Variants in TRPM7 observed in about 807,000 individuals in gnomAD.
TRPM7 encodes the protein LTRPC ion channel family member 7.
A neutral mutation model predicts 229.7 loss-of-function variants in TRPM7; 134 were observed. The ratio of observed to expected loss-of-function variants is 0.58; its 90% CI spans 0.51 to 0.67. The LOEUF is 0.67. Ranked by LOEUF, TRPM7 falls within the 30% of genes least tolerant of loss-of-function variation. TRPM7 has a pLI of 0.00. For synonymous variants in TRPM7, 699 were observed against 715.2 expected (o/e 0.98, Z 0.36); for missense variants, 1,901 against 2,210.0 (o/e 0.86, Z 2.80).
At chr15:50,652,708 T>A (rs1274465734) in intron 3 of TRPM7, among the ~76,000 whole-genome samples, 1 of 151,970 alleles carries the variant, frequency 6.6e-6, no homozygotes, top group Non-Finnish European at 1.5e-5. Flanking sequence ...CTCATTCTGC[T>A]TTGGAAAAAA....
intron 5 of TRPM7, among the ~76,000 whole-genome samples, chr15:50,641,931 T>C (rs949723621): frequency 1.4e-5 from 2 of 145,254 alleles, no homozygotes; most frequent in African/African-American, 5.2e-5. Flanking sequence ...ACCCGGGAGG[T>C]GGAGGTTGCA....
At chr15:50,618,750 T>C (rs2060304817) in intron 13 of TRPM7, among the ~76,000 whole-genome samples, 1 of 152,070 alleles carries the variant, frequency 6.6e-6, no homozygotes, top group African/African-American at 2.4e-5. Flanking sequence ...CCACAGGTAG[T>C]TGTTCAACCC....
At chr15:50,601,627 G>A (rs2059782982) in intron 21 of TRPM7, among the ~76,000 whole-genome samples, 1 of 152,064 alleles carries the variant, frequency 6.6e-6, no homozygotes. Context: ...GGGTGACACA[G>A]CGAGACTCCA....
intron 11 of TRPM7, among the ~76,000 whole-genome samples, chr15:50,627,330 G>C (rs1194732022): frequency 6.6e-6 from 1 of 152,058 alleles, no homozygotes; most frequent in Non-Finnish European, 1.5e-5. Flanking sequence ...ATTAAAATAG[G>C]GTAGACAGAG....
chr15:50,599,021 A>T, intron 22 of TRPM7, 101 bp downstream of exon 22: 1 of 871,952 alleles, frequency 1.1e-6, no homozygotes, highest in Non-Finnish European at 1.8e-6. Context: ...TTAGGTTGGT[A>T]ATAGTTTGAC....
chr15:50,651,635 G>GA (rs138610872), intron 3 of TRPM7, among the ~76,000 whole-genome samples: 2,346 of 151,868 alleles, frequency 0.015, 65 homozygotes, highest in African/African-American at 0.054. Context: ...GTCTCTAAAC[G>GA]AAAAAATTAA....
chr15:50,634,868 ATT>A (rs1183514392), intron 7 of TRPM7, among the ~76,000 whole-genome samples: 2 of 152,154 alleles, frequency 1.3e-5, no homozygotes, highest in South Asian at 2.1e-4. Flanking sequence ...AAAAGTAAAA[ATT>A]TGTTTTCCAT....
At chr15:50,623,156 G>A (rs939480596) in intron 12 of TRPM7, among the ~76,000 whole-genome samples, 2 of 152,132 alleles carry the variant, frequency 1.3e-5, no homozygotes, top group African/African-American at 4.8e-5. Flanking sequence ...GCTCACGCCT[G>A]TAATCCCAGT....
At position 50,604,969 on chromosome 15, in the gene TRPM7, C is replaced by T; in HGVS notation, c.2885G>A (p.Arg962Lys). The T allele has an allele frequency of 6.2e-7, 1 of 1,613,914 alleles. No homozygotes were observed. The highest frequency in any genetic ancestry group is 8.5e-7 in the Non-Finnish European group (1 of 1,179,930). Residue 962 changes from arginine to lysine, a missense_variant, in exon 21 of 39, where the codon AGA becomes AAA. Coordinates refer to ENST00000646667, the MANE Select transcript of TRPM7 (RefSeq NM_017672.6). ...TATTATGTTAAGACAGTAAATTAAT[C>T]TTCCAGCCACAAAAACATGATTATC... ...AYDNHVFVAG[R>K]LIYCLNIIFW...
chr15:50,618,773 CCCAACCT>C (rs2060305473), intron 13 of TRPM7, among the ~76,000 whole-genome samples: 1 of 152,010 alleles, frequency 6.6e-6, no homozygotes, highest in African/African-American at 2.4e-5. Flanking sequence ...ACCACCCCCA[CCCAACCT>C]CCCACCTTTT....
chr15:50,627,224 A>G (rs2060588272), intron 11 of TRPM7, among the ~76,000 whole-genome samples: 1 of 152,218 alleles, frequency 6.6e-6, no homozygotes, highest in Non-Finnish European at 1.5e-5. Context: ...TAGGAGAAAG[A>G]CAAACAATAA....
intron 11 of TRPM7, among the ~76,000 whole-genome samples, chr15:50,625,444 G>A (rs2060528891): frequency 6.6e-6 from 1 of 151,628 alleles, no homozygotes; most frequent in South Asian, 2.1e-4. Flanking sequence ...TTTTTGAGAC[G>A]GGGTCTCATT....
intron 4 of TRPM7, among the ~76,000 whole-genome samples, chr15:50,647,532 T>C (rs1256497612): frequency 6.6e-6 from 1 of 152,048 alleles, no homozygotes; most frequent in Admixed American, 6.5e-5. Flanking sequence ...GATCATGAGG[T>C]CAGGAGATGG....
At position 50,607,199 on chromosome 15, in the gene TRPM7, C is replaced by T; in HGVS notation, c.2709+1G>A. ...TTGGTAGAAAAAAACTAAAGACATA[C>T]CTCACGGACTTTCTCAATGGCATAA... On this transcript the variant is annotated splice_donor_variant, in intron 20 of 38. Transcript: ENST00000646667. LOFTEE classifies it high-confidence loss of function. The T allele has an allele frequency of 6.2e-7, 1 of 1,604,072 alleles. No homozygotes were observed. Among genetic ancestry groups the T allele is most frequent in the Non-Finnish European group, 8.5e-7 (1 of 1,176,790 alleles).
intron 11 of TRPM7, among the ~76,000 whole-genome samples, chr15:50,626,328 A>C (rs1423964075): frequency 6.6e-6 from 1 of 152,160 alleles, no homozygotes; most frequent in Non-Finnish European, 1.5e-5. Context: ...ATATAACAAA[A>C]TATTGTTTTT....
Position 50,592,028 on chromosome 15 carries a change from C to CA in TRPM7, c.4206dup (p.Val1403CysfsTer2). The CA allele has an allele frequency of 6.2e-7, 1 of 1,613,266 alleles. No individual in the cohort carries two copies. Among genetic ancestry groups the CA allele is most frequent in the Non-Finnish European group, 8.5e-7 (1 of 1,179,712 alleles). ...CAACTTGGCTGAGATGGTGTACTAACAAAAAATTTGGTTGGTGGGGATGAC... is the reference window on the plus strand; with the variant it reads ...CAACTTGGCTGAGATGGTGTACTAACAAAAAAATTTGGTTGGTGGGGATGAC... On this transcript the variant is annotated frameshift_variant, in exon 26 of 39. Coordinates refer to ENST00000646667, the MANE Select transcript of TRPM7 (RefSeq NM_017672.6). LOFTEE classifies it high-confidence loss of function.
chr15:50,567,965 G>T (rs2053682062), intron 38 of TRPM7, among the ~76,000 whole-genome samples: 1 of 151,724 alleles, frequency 6.6e-6, no homozygotes, highest in African/African-American at 2.4e-5. Flanking sequence ...TGTAGTCCCA[G>T]CTACTCGGGA....
intron 5 of TRPM7, among the ~76,000 whole-genome samples, chr15:50,642,900 T>C (rs1161060749): frequency 6.6e-6 from 1 of 152,104 alleles, no homozygotes; most frequent in African/African-American, 2.4e-5. Flanking sequence ...ACAGGTTCGA[T>C]TATCATTTTT....
At position 50,619,762 on chromosome 15, in the gene TRPM7, C is replaced by G. The variant is rs2060336183; in HGVS notation, c.1477G>C (p.Val493Leu). 1 of 1,596,348 alleles carries G rather than the reference C, an allele frequency of 6.3e-7. No homozygotes were observed. The highest frequency in any genetic ancestry group is 8.5e-7 in the Non-Finnish European group (1 of 1,174,654). ...GPTNPMLFHL[V>L]RDVKQGNLPP... is the part of the protein sequence containing the mutation. ...TCTCTTACCTGTTTGACGTCTCGAA[C>G]AAGATGAAACAGCATTGGATTAGTT... The change falls in exon 13 of 39, where the codon GTT becomes CTT. Residue 493 changes from valine (V) to leucine (L), a missense_variant. Transcript: ENST00000646667.
Sources: allele counts gnomAD v4.1 joint callset (sites outside exome capture counted in the v4.1 genomes callset), GRCh38; gene constraint gnomAD v4.1.1; transcripts MANE v1.5; gene names NCBI Gene and HGNC (gene_info 2026-07-23, HGNC 2026-07-21).